Variants in CEP192 observed in about 807,000 individuals in gnomAD.
CEP192 encodes centrosomal protein of 192 kDa.
A neutral mutation model predicts 271.8 loss-of-function variants in CEP192; 151 were observed. That is an observed-to-expected ratio of 0.56 (90% CI 0.49 to 0.64). The LOEUF is 0.64. Ranked by LOEUF, CEP192 falls within the 30% of genes least tolerant of loss-of-function variation. CEP192 has a pLI of 0.00. For synonymous variants in CEP192, 995 were observed against 1,076.5 expected (o/e 0.92, Z 1.48); for missense variants, 2,910 against 3,020.5 (o/e 0.96, Z 0.86).
chr18:12,993,455 A>T (rs1412872500), intron 1 of CEP192, among the ~76,000 whole-genome samples: 1 of 152,212 alleles, frequency 6.6e-6, no homozygotes, highest in Non-Finnish European at 1.5e-5. Context: ...TAGTATTTAC[A>T]TATAACTGAT....
chr18:13,019,229 A>G (rs531384100), intron 9 of CEP192, 23 bp downstream of exon 9: 2 of 1,472,318 alleles, frequency 1.4e-6, no homozygotes, highest in South Asian at 1.4e-5. Flanking sequence ...TTTTTCTTAG[A>G]TTTCCTATAA....
At chr18:13,045,266 GTGT>G (rs1388461344) in intron 15 of CEP192, among the ~76,000 whole-genome samples, 1 of 151,782 alleles carries the variant, frequency 6.6e-6, no homozygotes, top group East Asian at 1.9e-4. Flanking sequence ...TGGATTTAAT[GTGT>G]TGTTTTTCTA....
intron 14 of CEP192, among the ~76,000 whole-genome samples, chr18:13,041,758 G>T (rs1336470244): frequency 6.6e-6 from 1 of 151,914 alleles, no homozygotes; most frequent in Non-Finnish European, 1.5e-5. Flanking sequence ...TAGAGATAAG[G>T]TTTCCCCATG....
chr18:13,067,369 G>A (rs77688120), intron 21 of CEP192, among the ~76,000 whole-genome samples: 3,785 of 152,140 alleles, frequency 0.025, 56 homozygotes, highest in Middle Eastern at 0.048. Context: ...TTGGTTTCCC[G>A]CATTTAGGGA....
Position 13,049,566 on chromosome 18 carries a change from A to T in CEP192, c.2775A>T (p.Glu925Asp), listed in dbSNP as rs762989902. The change falls in exon 16 of 45, where the codon GAA (glutamate) becomes GAT (aspartate). Residue 925 changes from glutamate (E) to aspartate (D), a missense_variant. Physicochemically the swap from Glu to Asp is conservative, Grantham distance 45. Coordinates refer to ENST00000506447, the MANE Select transcript of CEP192 (RefSeq NM_032142.4). ...CCCTTTGTCTGTTAAAAGACTGTGA[A>T]GAAATACGAGATAACAGAGAAAATC... ...ITSLCLLKDC[E>D]EIRDNRENQR... 7 of 1,613,952 alleles carry T rather than the reference A, an allele frequency of 4.3e-6. No individual in the cohort carries two copies. In the Admixed American group the frequency reaches 1.2e-4, roughly 27 times the overall value.
At chr18:13,015,532 A>G (rs2034594179) in intron 6 of CEP192, 84 bp downstream of exon 6, 3 of 1,434,314 alleles carry the variant, frequency 2.1e-6, no homozygotes, top group Non-Finnish European at 2.8e-6. Flanking sequence ...TATGATGCCA[A>G]CTTTTTGGGT....
rs539514013 is a variant in CEP192 at position 13,031,154 on chromosome 18, A to G, written c.1534+546A>G. Among the ~76,000 whole-genome samples the G allele has an allele frequency of 4.0e-5, 6 of 151,800 alleles. No homozygotes were observed. The East Asian group carries it at 1.2e-3, about 29-fold the overall frequency. On this transcript the variant is annotated intron_variant, in intron 11 of 44. Coordinates refer to ENST00000506447, the MANE Select transcript of CEP192 (RefSeq NM_032142.4). ...AGATTTTGAGCTGGAGACTGTGAAG[A>G]TGCTATGCTGCAACCCTCAGGGCTG...
chr18:12,999,571 A>T lies in CEP192; in HGVS notation c.147A>T (p.Arg49Ser). The T allele has an allele frequency of 1.9e-6, 3 of 1,541,244 alleles. No individual in the cohort carries two copies. The highest frequency in any genetic ancestry group is 2.6e-6 in the Non-Finnish European group (3 of 1,144,262). ...PVAVSTLARDRSSTDNRYPDI... is the reference protein window; with the variant it reads ...PVAVSTLARDSSSTDNRYPDI... Reference sequence around the variant, plus strand: ...CTGTTTCTACACTTGCTAGGGATAGATCCAGCACTGATAACAGGTAAGATT... The same window carrying T: ...CTGTTTCTACACTTGCTAGGGATAGTTCCAGCACTGATAACAGGTAAGATT... The change falls in exon 2 of 45, where the codon AGA (arginine) becomes AGT (serine). Residue 49 changes from arginine (R) to serine (S), a missense_variant. By Grantham distance (110) the Arg-to-Ser change is moderately radical. Transcript: ENST00000506447.
chr18:13,056,878 C>T (rs1007379148), intron 19 of CEP192, among the ~76,000 whole-genome samples, 180 bp downstream of exon 19: 8 of 152,332 alleles, frequency 5.3e-5, no homozygotes, highest in Non-Finnish European at 1.2e-4. Flanking sequence ...CTTAGAAAAA[C>T]GCTACACTTA....
rs2036249593 is a variant in CEP192 at position 13,042,270 on chromosome 18, T to G, written c.2003T>G (p.Val668Gly). The change falls in exon 15 of 45, where the codon GTA (valine) becomes GGA (glycine). Residue 668 changes from valine to glycine, a missense_variant. Coordinates refer to ENST00000506447, the MANE Select transcript of CEP192 (RefSeq NM_032142.4). ...EGSITLQVEA[V>G]ESTSQVDEND... ...TCAATTACACTTCAGGTTGAAGCAGTAGAGAGTACTTCACAAGTGGATGAA... is the reference window on the plus strand; with the variant it reads ...TCAATTACACTTCAGGTTGAAGCAGGAGAGAGTACTTCACAAGTGGATGAA... The G allele has an allele frequency of 6.2e-7, 1 of 1,613,668 alleles. No homozygotes were observed. The highest frequency in any genetic ancestry group is 1.3e-5 in the African/African-American group (1 of 74,910).
At position 13,067,869 on chromosome 18, in the gene CEP192, C is replaced by G. The variant is rs566733517; in HGVS notation, c.4527C>G (p.Asp1509Glu). The change falls in exon 22 of 45, where the codon GAC (aspartate) becomes GAG (glutamate). Residue 1509 changes from aspartate to glutamate, a missense_variant. Transcript: ENST00000506447. ...AGAAAGACGTTCTTGATTTTGGTGACTTGACTTATGGAGGCTGGAAAGCCC... is the reference window on the plus strand; with the variant it reads ...AGAAAGACGTTCTTGATTTTGGTGAGTTGACTTATGGAGGCTGGAAAGCCC... ...TEKKDVLDFG[D>E]LTYGGWKALP... is the part of the protein sequence containing the mutation. The G allele has an allele frequency of 6.2e-7, 1 of 1,612,314 alleles. No homozygotes were observed.
At chr18:13,055,753 A>G in intron 18 of CEP192, 27 bp from the exon 19 acceptor site, 1 of 1,465,010 alleles carries the variant, frequency 6.8e-7, no homozygotes, top group Non-Finnish European at 9.2e-7. Context: ...TCTGTGGATT[A>G]TTAAAAACAA....
intron 28 of CEP192, among the ~76,000 whole-genome samples, chr18:13,071,426 A>G (rs1248718904): frequency 6.6e-6 from 1 of 152,206 alleles, no homozygotes; most frequent in Non-Finnish European, 1.5e-5. Flanking sequence ...GACCAACAAT[A>G]CAGTTACTGC....
chr18:13,080,248 A>G (rs1446228615), intron 30 of CEP192, among the ~76,000 whole-genome samples: 1 of 152,080 alleles, frequency 6.6e-6, no homozygotes, highest in African/African-American at 2.4e-5. Context: ...TTTTCACGAT[A>G]TTGATTCTTC....
chr18:13,011,779 C>T (rs559902415), intron 4 of CEP192, among the ~76,000 whole-genome samples: 12 of 152,352 alleles, frequency 7.9e-5, no homozygotes, highest in East Asian at 3.9e-4. Context: ...CCACCTGCCT[C>T]GGCCTCCCAG....
chr18:13,074,558 C>T (rs1022758427), intron 30 of CEP192, among the ~76,000 whole-genome samples: 1 of 152,176 alleles, frequency 6.6e-6, no homozygotes, highest in African/African-American at 2.4e-5. Context: ...TGATTTAGGG[C>T]AGAACCTTTG....
intron 11 of CEP192, among the ~76,000 whole-genome samples, chr18:13,035,749 C>G (rs2035882953): frequency 6.6e-6 from 1 of 152,164 alleles, no homozygotes; most frequent in Non-Finnish European, 1.5e-5. Context: ...CACAATGAAT[C>G]TTCATAGAAA....
intron 34 of CEP192, among the ~76,000 whole-genome samples, chr18:13,094,684 A>G (rs1482756275): frequency 3.9e-5 from 6 of 152,214 alleles, no homozygotes; most frequent in Non-Finnish European, 8.8e-5. Context: ...CTGTTGAGGT[A>G]TCCTTGCTTC....
chr18:13,103,750 G>A (rs1270431666), intron 39 of CEP192, 162 bp downstream of exon 39: 1 of 669,432 alleles, frequency 1.5e-6, no homozygotes, highest in Non-Finnish European at 2.7e-6. Context: ...GAGTGCAGTG[G>A]TATGAACACT....
Sources: gnomAD v4.1 joint callset for allele counts (sites outside exome capture counted in the v4.1 genomes callset) on GRCh38, gnomAD v4.1.1 for gene constraint, MANE v1.5 for transcripts, NCBI Gene and HGNC (gene_info 2026-07-23, HGNC 2026-07-21) for gene names.